Variants in CAMK2G observed in about 807,000 individuals in gnomAD.
CAMK2G encodes the protein calcium/calmodulin-dependent protein kinase type II subunit gamma.
In CAMK2G, 23 loss-of-function variants were observed where a neutral mutation model predicts 88.7. The observed-to-expected ratio is 0.26, with a 90% CI of 0.19 to 0.37. CAMK2G has a LOEUF of 0.37. Among genes scored for constraint, CAMK2G ranks in the 10% least tolerant of loss-of-function variants. The pLI, the probability that CAMK2G is intolerant of heterozygous loss-of-function variation, is 1.00. For missense variants in CAMK2G, 476 were observed against 780.8 expected (o/e 0.61, Z 4.65); for synonymous variants, 263 against 294.8 (o/e 0.89, Z 1.11).
chr10:73,860,904 GA>G lies in CAMK2G; in HGVS notation c.161-16del. Reference sequence around the variant, plus strand: ...TTTCTGGTGATCTAAAAGCAGAAGAGAAAAAACAAAAGCCATCAACCATCCA... The same window carrying G: ...TTTCTGGTGATCTAAAAGCAGAAGAGAAAAACAAAAGCCATCAACCATCCA... On this transcript the variant is annotated splice_polypyrimidine_tract_variant and intron_variant, in intron 2 of 22. Transcript: ENST00000423381. 6.2e-7 allele frequency: 1 copy of G among 1,607,612 alleles called. No individual in the cohort carries two copies. Among genetic ancestry groups the G allele is most frequent in the Non-Finnish European group, 8.5e-7 (1 of 1,174,338 alleles).
intron 5 of CAMK2G, among the ~76,000 whole-genome samples, chr10:73,850,434 C>T (rs1445583329): frequency 5.9e-5 from 9 of 152,364 alleles, no homozygotes; most frequent in East Asian, 3.9e-4. Context: ...CCCCCCCCAC[C>T]GCAGGGGACA....
intron 2 of CAMK2G, among the ~76,000 whole-genome samples, chr10:73,866,999 T>A (rs2095619887): frequency 6.6e-6 from 1 of 152,074 alleles, no homozygotes; most frequent in Non-Finnish European, 1.5e-5. Flanking sequence ...GCAAAGTCCA[T>A]CCGACACACA....
chr10:73,840,711 C>T (rs1439917039), intron 12 of CAMK2G, among the ~76,000 whole-genome samples: 1 of 152,216 alleles, frequency 6.6e-6, no homozygotes, highest in Non-Finnish European at 1.5e-5. Flanking sequence ...AGACAGGGCC[C>T]TTGCTATTGA....
At chr10:73,816,949 G>A in intron 21 of CAMK2G, 74 bp downstream of exon 21, 1 of 1,613,396 alleles carries the variant, frequency 6.2e-7, no homozygotes, top group African/African-American at 1.3e-5. Flanking sequence ...ACTGGGATGA[G>A]AAGGTGAGCA....
At position 73,842,285 on chromosome 10, in the gene CAMK2G, G is replaced by A. The variant is rs2093853876; in HGVS notation, c.904-74C>T. The A allele has an allele frequency of 7.5e-7, 1 of 1,338,902 alleles. No homozygotes were observed. Among genetic ancestry groups the A allele is most frequent in the African/African-American group, 1.4e-5 (1 of 69,510 alleles). The allele number at this position is 1,338,902 out of a possible 1,614,324, so 82.9% of individuals were successfully genotyped here. A position where few individuals can be genotyped will look rare whatever the true frequency, so the allele number is the denominator to read the frequency against. On this transcript the variant is annotated intron_variant, in intron 11 of 22. Coordinates refer to ENST00000423381, the MANE Select transcript of CAMK2G (RefSeq NM_001367534.1). This position sits in a 1 kb window ranked among gnomAD's most constrained non-coding sequence, Gnocchi z 4.6. ...GCAGGCTGGTCTCAGGCAAAGGCAGGTCCTGGCTAGAGCCTGAAGACATCA... is the reference window on the plus strand; with the variant it reads ...GCAGGCTGGTCTCAGGCAAAGGCAGATCCTGGCTAGAGCCTGAAGACATCA...
chr10:73,858,453 T>A (rs2095201259), intron 3 of CAMK2G, among the ~76,000 whole-genome samples: 1 of 152,234 alleles, frequency 6.6e-6, no homozygotes, highest in Non-Finnish European at 1.5e-5. Flanking sequence ...CACAGCCGCC[T>A]GGACCTGCAG....
intron 5 of CAMK2G, among the ~76,000 whole-genome samples, chr10:73,851,629 G>C (rs2094619524): frequency 1.3e-5 from 2 of 152,108 alleles, no homozygotes; most frequent in South Asian, 2.1e-4. Flanking sequence ...AAGGGCAGAG[G>C]GGGACATTGG....
At position 73,847,141 on chromosome 10, in the gene CAMK2G, G is replaced by A. The variant is rs2134736221; in HGVS notation, c.819+84C>T. ...TGCTTGGGGCCCAGAATGAATCTCT[G>A]CTGGTAAGAAGGAGGGGGTGGTGCC... On this transcript the variant is annotated intron_variant, in intron 10 of 22. Transcript: ENST00000423381. 4 of 1,401,736 alleles carry A rather than the reference G, an allele frequency of 2.9e-6. No homozygotes were observed. The South Asian group carries it at 4.7e-5, about 17-fold the overall frequency. 86.8% of individuals were successfully genotyped at this position (1,401,736 alleles called of 1,614,324 possible).
chr10:73,865,914 T>G (rs540635498), intron 2 of CAMK2G, among the ~76,000 whole-genome samples: 2 of 128,072 alleles, frequency 1.6e-5, no homozygotes, highest in East Asian at 2.3e-4. Context: ...CACTTCCCGC[T>G]TTTGCACAGG....
intron 16 of CAMK2G, among the ~76,000 whole-genome samples, 184 bp downstream of exon 16, chr10:73,825,095 G>A (rs1000261127): frequency 5.9e-5 from 9 of 152,212 alleles, no homozygotes; most frequent in African/African-American, 2.2e-4. Context: ...CATGCGGGAT[G>A]GAGCGCGGCC....
chr10:73,818,397 G>A (rs1482863218), intron 19 of CAMK2G: 3 of 303,830 alleles, frequency 9.9e-6, no homozygotes, highest in Non-Finnish European at 1.3e-5. Context: ...TTCTCTTATA[G>A]GGAATGCCAC....
intron 3 of CAMK2G, among the ~76,000 whole-genome samples, chr10:73,857,419 C>A (rs577670382): frequency 4.9e-4 from 75 of 152,226 alleles, no homozygotes; most frequent in Non-Finnish European, 8.2e-4. Context: ...TAGCAAATCC[C>A]AGATTCAAAC....
intron 14 of CAMK2G, among the ~76,000 whole-genome samples, chr10:73,832,309 CT>C (rs61170350): frequency 0.34 from 50,003 of 148,388 alleles, 9,249 homozygotes; most frequent in East Asian, 0.63. Flanking sequence ...GTATGTACTC[CT>C]TTTTTTTTTT....
intron 14 of CAMK2G, among the ~76,000 whole-genome samples, chr10:73,828,550 G>A (rs924023816): frequency 6.6e-6 from 1 of 152,154 alleles, no homozygotes; most frequent in Non-Finnish European, 1.5e-5. Flanking sequence ...AGCCACCAGG[G>A]AAAAAGCAAA....
At position 73,842,099 on chromosome 10, in the gene CAMK2G, G is replaced by A. The variant is rs904020952; in HGVS notation, c.946+70C>T. 1.7e-5 allele frequency: 21 copies of A among 1,269,638 alleles called. No individual in the cohort carries two copies. Among genetic ancestry groups the A allele is most frequent in the African/African-American group, 5.9e-5 (4 of 68,170 alleles). The allele number at this position is 1,269,638 out of a possible 1,614,324, so 78.6% of individuals were successfully genotyped here. A position where few individuals can be genotyped will look rare whatever the true frequency, so the allele number is the denominator to read the frequency against. On this transcript the variant is annotated intron_variant, in intron 12 of 22. Coordinates refer to ENST00000423381, the MANE Select transcript of CAMK2G (RefSeq NM_001367534.1). This position sits in a 1 kb window ranked among gnomAD's most constrained non-coding sequence, Gnocchi z 4.6. ...ACGCCGAGGAAACCCAGCGGTGCCC[G>A]GGATGGCAACAGCCCATTCCTGATC...
chr10:73,851,782 G>GT (rs1325492301), intron 5 of CAMK2G, among the ~76,000 whole-genome samples: 1 of 150,402 alleles, frequency 6.6e-6, no homozygotes, highest in Non-Finnish European at 1.5e-5. Context: ...GTCTCGCTCT[G>GT]TTACGCAGGC....
chr10:73,839,523 G>C lies in CAMK2G; in HGVS notation c.1009+16C>G. 8.1e-7 allele frequency: 1 copy of C among 1,231,126 alleles called. No homozygotes were observed. Among genetic ancestry groups the C allele is most frequent in the African/African-American group, 1.6e-5 (1 of 64,512 alleles). The allele number at this position is 1,231,126 out of a possible 1,614,324, so 76.3% of individuals were successfully genotyped here. A position where few individuals can be genotyped will look rare whatever the true frequency, so the allele number is the denominator to read the frequency against. ...GGGGCCGAGGCAGGCGGTCGGGGAG[G>C]ACTCATGCCACGTACCTTGCCCGGC... On this transcript the variant is annotated intron_variant, in intron 13 of 22. Transcript: ENST00000423381. This position sits in a 1 kb window ranked among gnomAD's most constrained non-coding sequence, Gnocchi z 4.2.
At chr10:73,822,698 G>A (rs369895006) in intron 17 of CAMK2G, among the ~76,000 whole-genome samples, 15 of 152,078 alleles carry the variant, frequency 9.9e-5, no homozygotes, top group African/African-American at 3.4e-4. Context: ...GGCCACATCT[G>A]AGCTTCAGTT....
At chr10:73,860,764 CA>C in intron 3 of CAMK2G, 65 bp downstream of exon 3, 1 of 1,143,698 alleles carries the variant, frequency 8.7e-7, no homozygotes, top group Non-Finnish European at 1.3e-6. Context: ...CACACAAAAG[CA>C]GTGGATATCT....
Sources: allele counts gnomAD v4.1 joint callset (sites outside exome capture counted in the v4.1 genomes callset), GRCh38; gene constraint gnomAD v4.1.1; non-coding constraint Gnocchi (gnomAD v3.1); transcripts MANE v1.5; gene names NCBI Gene and HGNC (gene_info 2026-07-23, HGNC 2026-07-21).